ACYP2: variants seen among roughly 807,000 people sequenced by gnomAD.
ACYP2 encodes the protein acylphosphatase-2.
Under a neutral mutation model 11.2 loss-of-function variants are expected in ACYP2, and 12 were observed. The observed-to-expected ratio is 1.08, with a 90% confidence interval of 0.69 to 1.74. ACYP2 has a LOEUF of 1.74. Among genes scored for constraint, ACYP2 ranks in the 40% most tolerant of loss-of-function variants. The pLI is 0.00. For missense variants in ACYP2, 134 were observed against 101.9 expected (o/e 1.31, Z -1.35); for synonymous variants, 43 against 32.2 (o/e 1.33, Z -1.13).
At chr2:54,106,242 T>A (rs1031060428) in intron 4 of ACYP2, among the ~76,000 whole-genome samples, 1 of 152,058 alleles carries the variant, frequency 6.6e-6, no homozygotes, top group African/African-American at 2.4e-5. Flanking sequence ...TTTTTTTAAT[T>A]TTTAAAATTA....
intron 6 of ACYP2, among the ~76,000 whole-genome samples, chr2:54,284,153 G>C (rs1252800813): frequency 6.6e-6 from 1 of 152,060 alleles, no homozygotes; most frequent in African/African-American, 2.4e-5. Flanking sequence ...TTTAAACTTT[G>C]TAAAAAAAAA....
At chr2:54,055,235 C>A (rs938880298) in intron 3 of ACYP2, among the ~76,000 whole-genome samples, 1 of 152,082 alleles carries the variant, frequency 6.6e-6, no homozygotes, top group Admixed American at 6.6e-5. Flanking sequence ...TGGGGTTTCA[C>A]CATGTTGGCC....
chr2:54,201,630 T>C (rs1271450110), intron 6 of ACYP2, among the ~76,000 whole-genome samples: 1,711 of 90,332 alleles, frequency 0.019, 53 homozygotes, highest in African/African-American at 0.067. Flanking sequence ...CTTTGTTTCT[T>C]TCTTTCTCTT....
intron 4 of ACYP2, among the ~76,000 whole-genome samples, chr2:54,087,468 C>G (rs1269552322): frequency 6.6e-6 from 1 of 152,126 alleles, no homozygotes; most frequent in Non-Finnish European, 1.5e-5. Context: ...CCCTCCTTAA[C>G]CTCCGCAGTA....
intron 6 of ACYP2, among the ~76,000 whole-genome samples, chr2:54,230,923 C>T (rs1211953052): frequency 9.3e-5 from 14 of 151,066 alleles, no homozygotes; most frequent in African/African-American, 2.9e-4. Context: ...CTCTGCCTCC[C>T]GGATTCAAGC....
chr2:54,040,705 A>G (rs1675176831), intron 2 of ACYP2, among the ~76,000 whole-genome samples: 1 of 152,212 alleles, frequency 6.6e-6, no homozygotes, highest in African/African-American at 2.4e-5. Flanking sequence ...ATCAAGTAAG[A>G]TGAAAATTAA....
intron 2 of ACYP2, among the ~76,000 whole-genome samples, chr2:54,005,687 A>G (rs1159559656): frequency 6.6e-6 from 1 of 152,154 alleles, no homozygotes; most frequent in Non-Finnish European, 1.5e-5. Context: ...AGATCAATTC[A>G]TTTATTCATT....
At chr2:54,284,180 C>T (rs528669375) in intron 6 of ACYP2, among the ~76,000 whole-genome samples, 1 of 152,256 alleles carries the variant, frequency 6.6e-6, no homozygotes, top group East Asian at 1.9e-4. Context: ...AATTAAAAGC[C>T]AAAGCCAGAC....
intron 6 of ACYP2, among the ~76,000 whole-genome samples, chr2:54,244,153 A>T (rs1686847375): frequency 6.6e-6 from 1 of 152,096 alleles, no homozygotes; most frequent in African/African-American, 2.4e-5. Context: ...TTCTCAAGAC[A>T]ATTGGAGTTG....
At position 54,062,225 on chromosome 2, in the gene ACYP2, G is replaced by A. The variant is rs76539829; in HGVS notation, c.277+4865G>A. 7.9e-3 allele frequency among the ~76,000 whole-genome samples: 1,203 copies of A among 152,258 alleles called. 9 individuals are homozygous for A. The highest frequency in any genetic ancestry group is 0.013 in the Non-Finnish European group (897 of 68,024). On this transcript the variant is annotated intron_variant, in intron 4 of 6. Transcript: ENST00000607452. ...AGGAAGGCATGGGTTCTCTGGACCT[G>A]GGGTAGAGCTTGGGCTTGAACGACT... is the stretch of plus-strand genomic sequence containing the variant.
intron 6 of ACYP2, among the ~76,000 whole-genome samples, chr2:54,288,632 G>A (rs910698650): frequency 6.6e-6 from 1 of 151,986 alleles, no homozygotes; most frequent in African/African-American, 2.4e-5. Context: ...TAGGAAATCA[G>A]GTGTTTGTTC....
At chr2:54,109,720 A>G (rs915537164) in intron 4 of ACYP2, among the ~76,000 whole-genome samples, 2 of 152,178 alleles carry the variant, frequency 1.3e-5, no homozygotes, top group African/African-American at 2.4e-5. Context: ...TAATTTTAGA[A>G]TAGTTGTTGA....
At chr2:54,089,731 C>A (rs192585274) in intron 4 of ACYP2, among the ~76,000 whole-genome samples, 1 of 152,028 alleles carries the variant, frequency 6.6e-6, no homozygotes, top group East Asian at 1.9e-4. Context: ...CAGAGTGAGA[C>A]GCGGTCCCAA....
chr2:54,022,036 G>A (rs1002718811), intron 2 of ACYP2, among the ~76,000 whole-genome samples: 5 of 152,086 alleles, frequency 3.3e-5, no homozygotes, highest in African/African-American at 1.2e-4. Flanking sequence ...TACTGAGCTT[G>A]CTTTCCCCCA....
chr2:54,075,755 G>C (rs1188818759), intron 4 of ACYP2, among the ~76,000 whole-genome samples: 1 of 151,918 alleles, frequency 6.6e-6, no homozygotes, highest in African/African-American at 2.4e-5. Context: ...CGAGGTTGCA[G>C]TCAGCCAAGA....
intron 6 of ACYP2, chr2:54,255,712 G>A (rs1042882931): frequency 2.5e-6 from 4 of 1,613,824 alleles, no homozygotes; most frequent in South Asian, 1.1e-5. Context: ...CACGTCCTCG[G>A]CCTTCCCCTC....
intron 6 of ACYP2, among the ~76,000 whole-genome samples, chr2:54,180,734 T>C (rs1250477493): frequency 6.6e-6 from 1 of 152,136 alleles, no homozygotes; most frequent in Non-Finnish European, 1.5e-5. Flanking sequence ...TTTGTATTTT[T>C]TTGTAGAGAT....
intron 6 of ACYP2, among the ~76,000 whole-genome samples, chr2:54,221,946 G>C (rs1685817754): frequency 6.6e-6 from 1 of 152,172 alleles, no homozygotes; most frequent in African/African-American, 2.4e-5. Context: ...ACCATGGCTG[G>C]CATTTGTTAA....
intron 2 of ACYP2, among the ~76,000 whole-genome samples, chr2:54,023,975 G>A (rs1674142820): frequency 6.6e-6 from 1 of 152,014 alleles, no homozygotes; most frequent in Non-Finnish European, 1.5e-5. Flanking sequence ...CCCAAACCAG[G>A]AAAGGACATA....
Sources: allele counts gnomAD v4.1 joint callset (sites outside exome capture counted in the v4.1 genomes callset), GRCh38; gene constraint gnomAD v4.1.1; transcripts MANE v1.5; gene names NCBI Gene and HGNC (gene_info 2026-07-23, HGNC 2026-07-21).